ZNF609: variants seen among roughly 807,000 people sequenced by gnomAD.
ZNF609 encodes zinc finger protein 609.
A neutral mutation model predicts 109.5 loss-of-function variants in ZNF609; 11 were observed. The ratio of observed to expected loss-of-function variants is 0.10; its 90% CI spans 0.06 to 0.17. The LOEUF (loss-of-function observed/expected upper bound fraction) is 0.17, where lower values mean the gene tolerates loss of function less well. ZNF609 is among the 10% of genes least tolerant of loss of function. ZNF609 has a pLI of 1.00. For synonymous variants in ZNF609, 646 were observed against 662.0 expected (o/e 0.98, Z 0.37); for missense variants, 1,559 against 1,772.4 (o/e 0.88, Z 2.16).
Position 64,470,534 on chromosome 15 carries a change from T to C in ZNF609, c.-128+9696T>C, listed in dbSNP as rs1388696858. The stretch of plus-strand genomic sequence containing the variant: ...TATTTGCTTTCAAGCAGTTTTTTTT[T>C]TCTTTTTGAGATGAAGTCGCTCTGT... On this transcript the variant is annotated intron_variant, in intron 1 of 9. Coordinates refer to ENST00000326648, the MANE Select transcript of ZNF609 (RefSeq NM_015042.2). 2.6e-5 allele frequency: 4 copies of C among 152,170 alleles called. No individual in the cohort carries two copies. In the East Asian group the frequency reaches 7.7e-4, roughly 29 times the overall value. 9.4% of individuals were successfully genotyped at this position (152,170 alleles called of 1,614,324 possible). A position where few individuals can be genotyped will look rare whatever the true frequency, so the allele number is the denominator to read the frequency against.
chr15:64,602,373 C>G (rs898772866), intron 2 of ZNF609, among the ~76,000 whole-genome samples: 1 of 152,096 alleles, frequency 6.6e-6, no homozygotes, highest in African/African-American at 2.4e-5. Flanking sequence ...TTATCTAGCC[C>G]CTCTAGCCTT....
chr15:64,570,704 A>G (rs1204165820), intron 2 of ZNF609, among the ~76,000 whole-genome samples: 1 of 152,084 alleles, frequency 6.6e-6, no homozygotes, highest in Non-Finnish European at 1.5e-5. Context: ...TATTATTTTC[A>G]TGTTATGTTT....
intron 2 of ZNF609, among the ~76,000 whole-genome samples, chr15:64,519,753 C>T (rs1401069680): frequency 6.6e-6 from 1 of 152,122 alleles, no homozygotes; most frequent in African/African-American, 2.4e-5. Context: ...GTTATTTAAA[C>T]TCTCAACTTC....
rs556786333 is a variant in ZNF609 at position 64,466,291 on chromosome 15, T to C, written c.-128+5453T>C. On this transcript the variant is annotated intron_variant, in intron 1 of 9. Coordinates refer to ENST00000326648, the MANE Select transcript of ZNF609 (RefSeq NM_015042.2). ...ACTATAATAGGAATGCCATAGAGCC[T>C]AAAACTTGTAAGCAAGTAACTTTGT... 2.6e-5 allele frequency among the ~76,000 whole-genome samples: 4 copies of C among 152,308 alleles called. No homozygotes were observed. In the South Asian group the frequency reaches 6.2e-4, roughly 24 times the overall value.
At chr15:64,617,090 G>T (rs975454583) in intron 2 of ZNF609, among the ~76,000 whole-genome samples, 1 of 151,866 alleles carries the variant, frequency 6.6e-6, no homozygotes, top group African/African-American at 2.4e-5. Flanking sequence ...TTACAGGCGT[G>T]AGCCACTGCG....
intron 2 of ZNF609, among the ~76,000 whole-genome samples, chr15:64,514,850 T>G (rs1893783811): frequency 6.6e-6 from 1 of 152,168 alleles, no homozygotes; most frequent in Admixed American, 6.6e-5. Context: ...CACTTGAGGC[T>G]GGCCCCAAAC....
intron 3 of ZNF609, among the ~76,000 whole-genome samples, chr15:64,643,232 C>G (rs1896288219): frequency 6.6e-6 from 1 of 152,194 alleles, no homozygotes; most frequent in African/African-American, 2.4e-5. Flanking sequence ...CTCAGTCCTA[C>G]CAATTTCCTG....
intron 2 of ZNF609, among the ~76,000 whole-genome samples, chr15:64,514,936 C>CT (rs1197995772): frequency 7.2e-5 from 11 of 152,010 alleles, no homozygotes; most frequent in East Asian, 1.9e-4. Flanking sequence ...TGCGCCCACC[C>CT]TTTTTTTTAA....
rs551437218 is a variant in ZNF609 at position 64,642,290 on chromosome 15, C to T, written c.973+19238C>T. ...CCTCCAACTCCTGGGCTCAAGCAAC[C>T]CTCTCACCTCAACTTCTCAAGTAGC... On this transcript the variant is annotated intron_variant, in intron 3 of 9. Transcript: ENST00000326648. Among the ~76,000 whole-genome samples, 3 of 152,158 alleles carry T rather than the reference C, an allele frequency of 2.0e-5. No individual in the cohort carries two copies. The East Asian group carries it at 5.8e-4, about 29-fold the overall frequency.
chr15:64,579,736 T>C (rs1895065634), intron 2 of ZNF609, among the ~76,000 whole-genome samples: 1 of 152,036 alleles, frequency 6.6e-6, no homozygotes, highest in South Asian at 2.1e-4. Flanking sequence ...TGTTTTTGTA[T>C]AGCTCTGTTC....
chr15:64,557,132 A>G (rs1451038897), intron 2 of ZNF609, among the ~76,000 whole-genome samples: 1 of 151,964 alleles, frequency 6.6e-6, no homozygotes, highest in African/African-American at 2.4e-5. Flanking sequence ...TATTATTCAG[A>G]ATGCTAAAAT....
intron 1 of ZNF609, among the ~76,000 whole-genome samples, chr15:64,472,165 G>A (rs1253705588): frequency 6.6e-6 from 1 of 152,042 alleles, no homozygotes; most frequent in African/African-American, 2.4e-5. Context: ...CACCCGCCTC[G>A]GCCTCCCAAA....
intron 3 of ZNF609, among the ~76,000 whole-genome samples, chr15:64,662,173 A>C: frequency 6.6e-6 from 1 of 152,108 alleles, no homozygotes; most frequent in East Asian, 1.9e-4. Flanking sequence ...AGGGCTGCTT[A>C]AGTGTTCTCA....
chr15:64,487,520 G>A (rs1216735376), intron 1 of ZNF609, among the ~76,000 whole-genome samples: 1 of 151,998 alleles, frequency 6.6e-6, no homozygotes, highest in African/African-American at 2.4e-5. Context: ...CACCCTGCAA[G>A]ATTCCCTCGT....
At chr15:64,673,801 C>G (rs1186955014) in intron 4 of ZNF609, 115 bp from the exon 5 acceptor site, 1 of 1,200,058 alleles carries the variant, frequency 8.3e-7, no homozygotes, top group African/African-American at 1.5e-5. Flanking sequence ...TTTAACAAAT[C>G]ATATTCATTG....
chr15:64,604,791 G>C (rs574567924), intron 2 of ZNF609, among the ~76,000 whole-genome samples: 60 of 151,712 alleles, frequency 4.0e-4, no homozygotes, highest in Non-Finnish European at 6.9e-4. Context: ...CCCCTAATTT[G>C]GCTTTATTTA....
At chr15:64,563,873 G>A (rs1022901799) in intron 2 of ZNF609, among the ~76,000 whole-genome samples, 3 of 152,002 alleles carry the variant, frequency 2.0e-5, no homozygotes, top group Non-Finnish European at 4.4e-5. Flanking sequence ...GGCGTGAGTC[G>A]CCGTGCCCGG....
Position 64,499,703 on chromosome 15 carries a change from G to T in ZNF609, c.284G>T (p.Ser95Ile). The T allele has an allele frequency of 6.2e-7, 1 of 1,614,090 alleles. No individual in the cohort carries two copies. The highest frequency in any genetic ancestry group is 8.5e-7 in the Non-Finnish European group (1 of 1,180,034). The change falls in exon 2 of 10, where the codon AGT (serine) becomes ATT (isoleucine). Residue 95 changes from serine to isoleucine, a missense_variant. This residue lies in a region of ZNF609 where 291 missense variants were observed against 317.8 expected (regional missense o/e 0.92). Transcript: ENST00000326648. ...EGKSKSKRSK[S>I]GKDTSKPTPG... is the part of the protein sequence containing the mutation. ...AAATCAAAATCCAAAAGGAGTAAGAGTGGCAAAGACACTAGCAAACCCACT... is the reference window on the plus strand; with the variant it reads ...AAATCAAAATCCAAAAGGAGTAAGATTGGCAAAGACACTAGCAAACCCACT...
intron 3 of ZNF609, among the ~76,000 whole-genome samples, chr15:64,647,816 CATA>C (rs1432664438): frequency 6.6e-6 from 1 of 152,270 alleles, no homozygotes; most frequent in East Asian, 1.9e-4. Flanking sequence ...TTATGTGTTT[CATA>C]ATAATAACCT....
Sources: allele counts gnomAD v4.1 joint callset (sites outside exome capture counted in the v4.1 genomes callset), GRCh38; gene constraint gnomAD v4.1.1; regional missense constraint gnomAD v4.1.1; transcripts MANE v1.5; gene names NCBI Gene and HGNC (gene_info 2026-07-23, HGNC 2026-07-21).